CDH13: variants seen among roughly 807,000 people sequenced by gnomAD.
The protein encoded by CDH13 is cadherin-13.
CDH13 carries 24 observed loss-of-function variants against 63.8 expected under a neutral mutation model. The observed-to-expected ratio is 0.38, with a 90% CI of 0.27 to 0.53. The LOEUF is 0.53. CDH13 is among the 20% of genes least tolerant of loss of function. The pLI is 0.85. For synonymous variants in CDH13, 503 were observed against 355.3 expected (o/e 1.42, Z -4.67); for missense variants, 1,049 against 903.1 (o/e 1.16, Z -2.07).
chr16:82,914,646 C>G (rs896308776), intron 2 of CDH13, among the ~76,000 whole-genome samples: 6 of 152,178 alleles, frequency 3.9e-5, no homozygotes, highest in African/African-American at 1.4e-4. Flanking sequence ...ATCCTGCTTT[C>G]TTGAAGCTTG....
intron 7 of CDH13, among the ~76,000 whole-genome samples, chr16:83,574,255 C>T (rs777283219): frequency 5.9e-5 from 9 of 152,152 alleles, no homozygotes; most frequent in Non-Finnish European, 7.4e-5. Context: ...CCTGATGCAT[C>T]GGATGGGAGC....
At chr16:82,812,079 C>T (rs965851719) in intron 1 of CDH13, among the ~76,000 whole-genome samples, 1 of 152,088 alleles carries the variant, frequency 6.6e-6, no homozygotes, top group African/African-American at 2.4e-5. Context: ...AAAAGCTGTG[C>T]CACCCTTTGT....
chr16:83,130,719 G>A (rs181288611), intron 4 of CDH13, among the ~76,000 whole-genome samples: 33 of 152,212 alleles, frequency 2.2e-4, no homozygotes. Context: ...ACAGGAGTTA[G>A]CATGCTGGCA....
intron 2 of CDH13, among the ~76,000 whole-genome samples, chr16:82,915,261 A>C (rs1217754877): frequency 6.6e-6 from 1 of 152,176 alleles, no homozygotes; most frequent in South Asian, 2.1e-4. Context: ...TAATATCGCA[A>C]GAGTCTAATG....
At chr16:83,219,052 A>G (rs957599967) in intron 5 of CDH13, among the ~76,000 whole-genome samples, 1 of 152,106 alleles carries the variant, frequency 6.6e-6, no homozygotes, top group African/African-American at 2.4e-5. Context: ...AGTCCCGGGT[A>G]TGTCTTCATT....
chr16:83,470,139 A>G (rs2073418073), intron 6 of CDH13, among the ~76,000 whole-genome samples: 1 of 151,776 alleles, frequency 6.6e-6, no homozygotes. Flanking sequence ...CTGTGTGCAC[A>G]CTCTCGCTTT....
chr16:83,656,784 C>G (rs1331026378), intron 8 of CDH13, among the ~76,000 whole-genome samples: 1 of 152,206 alleles, frequency 6.6e-6, no homozygotes, highest in Non-Finnish European at 1.5e-5. Context: ...CAAACACAAA[C>G]CATTCCCAGT....
At chr16:83,280,938 T>C (rs1188450162) in intron 5 of CDH13, among the ~76,000 whole-genome samples, 5 of 152,250 alleles carry the variant, frequency 3.3e-5, no homozygotes, top group Non-Finnish European at 7.3e-5. Flanking sequence ...ACTATGGTGT[T>C]AACAGATGTG....
intron 3 of CDH13, among the ~76,000 whole-genome samples, chr16:83,064,099 G>A (rs563714132): frequency 2.4e-4 from 37 of 152,152 alleles, no homozygotes; most frequent in Non-Finnish European, 3.5e-4. Context: ...GGCCAGGTGC[G>A]GTGGCTCATG....
chr16:83,588,156 C>T (rs553048529), intron 7 of CDH13, among the ~76,000 whole-genome samples: 1 of 152,180 alleles, frequency 6.6e-6, no homozygotes, highest in Admixed American at 6.5e-5. Flanking sequence ...CACAGCCTCC[C>T]TCTGCATAGA....
intron 1 of CDH13, among the ~76,000 whole-genome samples, chr16:82,788,095 A>G (rs1204536902): frequency 6.6e-6 from 1 of 152,208 alleles, no homozygotes; most frequent in Non-Finnish European, 1.5e-5. Context: ...ATAACCAAAT[A>G]TAATTTGCCA....
rs565715210 is a variant in CDH13, at chr16:82,789,446, G to C, written c.46-68916G>C. Reference sequence around the variant, plus strand: ...TCACTCTGAATCACATCAAGGCGATGACAAGAACAACTGTCTAGACTTAGT... The same window carrying C: ...TCACTCTGAATCACATCAAGGCGATCACAAGAACAACTGTCTAGACTTAGT... On this transcript the variant is annotated intron_variant, in intron 1 of 13. Transcript: ENST00000567109. 1.6e-4 allele frequency among the ~76,000 whole-genome samples: 25 copies of C among 152,316 alleles called. 2 individuals are homozygous for C. The highest frequency in any genetic ancestry group is 6.0e-4 in the African/African-American group (25 of 41,564).
At chr16:83,542,514 G>C (rs12165004) in intron 7 of CDH13, among the ~76,000 whole-genome samples, 72,196 of 152,096 alleles carry the variant, frequency 0.47, 17,158 homozygotes, top group African/African-American at 0.52. Context: ...CAACGGCTGT[G>C]GTAACAAAGC....
chr16:83,648,254 C>T (rs994688712), intron 8 of CDH13, among the ~76,000 whole-genome samples: 7 of 152,156 alleles, frequency 4.6e-5, no homozygotes, highest in Admixed American at 6.5e-5. Flanking sequence ...GTGTATTTTA[C>T]ATGCAAGAAC....
chr16:83,223,418 G>T (rs1439079365), intron 5 of CDH13, among the ~76,000 whole-genome samples: 1 of 152,152 alleles, frequency 6.6e-6, no homozygotes, highest in Non-Finnish European at 1.5e-5. Context: ...CCTCTAAAGG[G>T]CCCCACCTCC....
chr16:82,982,952 T>G (rs1320334661), intron 2 of CDH13, among the ~76,000 whole-genome samples: 1 of 152,140 alleles, frequency 6.6e-6, no homozygotes, highest in Non-Finnish European at 1.5e-5. Flanking sequence ...TTATTTCGTT[T>G]GCTAAGCATG....
chr16:83,568,844 G>A lies in CDH13; in HGVS notation c.961-33610G>A, dbSNP rs1437671861. Among the ~76,000 whole-genome samples, 3 of 152,028 alleles carry A rather than the reference G, an allele frequency of 2.0e-5. No individual in the cohort carries two copies. In the East Asian group the frequency reaches 5.8e-4, roughly 29 times the overall value. On this transcript the variant is annotated intron_variant, in intron 7 of 13. Transcript: ENST00000567109. ...ACTCACTTGCTGTTCTGTCCTTTGAGGCCTCTGTCCACTTCCAGCTCCTGC... is the reference window on the plus strand; with the variant it reads ...ACTCACTTGCTGTTCTGTCCTTTGAAGCCTCTGTCCACTTCCAGCTCCTGC...
chr16:82,863,952 A>T (rs1010961220), intron 2 of CDH13, among the ~76,000 whole-genome samples: 1 of 152,192 alleles, frequency 6.6e-6, no homozygotes, highest in Non-Finnish European at 1.5e-5. Context: ...GGAGGGGAAA[A>T]CACTACCGCC....
At chr16:82,772,317 G>A (rs997951301) in intron 1 of CDH13, among the ~76,000 whole-genome samples, 2 of 152,158 alleles carry the variant, frequency 1.3e-5, no homozygotes, top group East Asian at 3.9e-4. Context: ...CATACTGGGG[G>A]TCCGTGTGCA....
Sources: allele counts gnomAD v4.1 joint callset (sites outside exome capture counted in the v4.1 genomes callset), GRCh38; gene constraint gnomAD v4.1.1; transcripts MANE v1.5; gene names NCBI Gene and HGNC (gene_info 2026-07-23, HGNC 2026-07-21).